The following SENP7 variants were observed in gnomAD, a reference collection of about 807,000 sequenced individuals.
The protein encoded by SENP7 is sentrin-specific protease 7.
A neutral mutation model predicts 141.2 loss-of-function variants in SENP7; 64 were observed. The observed-to-expected ratio is 0.45, with a 90% CI of 0.37 to 0.56. SENP7 has a LOEUF of 0.56. Among genes scored for constraint, SENP7 ranks in the 20% least tolerant of loss-of-function variants. SENP7 has a pLI of 0.00. For missense variants in SENP7, 1,025 were observed against 1,212.2 expected (o/e 0.85, Z 2.29); for synonymous variants, 382 against 426.4 (o/e 0.90, Z 1.28).
chr3:101,463,396 T>TATATATATATAC (rs1320861204), intron 3 of SENP7, among the ~76,000 whole-genome samples: 77 of 82,840 alleles, frequency 9.3e-4, no homozygotes, highest in African/African-American at 4.0e-3. Flanking sequence ...TATATATATA[T>TATATATATATAC]ACATATATAT....
intron 5 of SENP7, among the ~76,000 whole-genome samples, chr3:101,413,025 C>T (rs1410432946): frequency 6.6e-6 from 1 of 152,038 alleles, no homozygotes; most frequent in African/African-American, 2.4e-5. Context: ...AAACTGCCCT[C>T]ACATAAAAGG....
intron 1 of SENP7, among the ~76,000 whole-genome samples, chr3:101,509,507 A>T (rs900841877): frequency 2.0e-5 from 3 of 152,176 alleles, no homozygotes; most frequent in Non-Finnish European, 4.4e-5. Context: ...CTGCTTAGTA[A>T]TATCTCTTCC....
rs764843778 is a variant in SENP7 at position 101,343,978 on chromosome 3, T to A, written c.1838-24A>T. 19 of 1,385,702 alleles carry A rather than the reference T, an allele frequency of 1.4e-5. No homozygotes were observed. The East Asian group carries it at 4.7e-4, about 34-fold the overall frequency. 85.8% of individuals were successfully genotyped at this position (1,385,702 alleles called of 1,614,324 possible). ...TGCTACAAAAGGAAAAAATAATTTG[T>A]ATCAATAGTATTATTTTTCAAGAGG... On this transcript the variant is annotated intron_variant, in intron 13 of 23. Transcript: ENST00000394095.
intron 3 of SENP7, among the ~76,000 whole-genome samples, chr3:101,469,814 G>A (rs1360171692): frequency 3.4e-5 from 2 of 58,410 alleles, no homozygotes; most frequent in African/African-American, 5.8e-5. Context: ...CTGGGCGACA[G>A]AGCAAGACTC....
intron 3 of SENP7, among the ~76,000 whole-genome samples, chr3:101,488,510 G>T (rs1050631595): frequency 6.6e-6 from 1 of 152,140 alleles, no homozygotes; most frequent in Non-Finnish European, 1.5e-5. Context: ...TACATTTGAG[G>T]ATATGGTCCA....
At chr3:101,402,293 C>T (rs2061167335) in intron 5 of SENP7, among the ~76,000 whole-genome samples, 1 of 152,112 alleles carries the variant, frequency 6.6e-6, no homozygotes, top group African/African-American at 2.4e-5. Flanking sequence ...AGCCAGTGCT[C>T]AATTACCATG....
intron 11 of SENP7, among the ~76,000 whole-genome samples, chr3:101,356,124 C>T (rs1382845332): frequency 6.6e-6 from 1 of 151,904 alleles, no homozygotes; most frequent in Non-Finnish European, 1.5e-5. Flanking sequence ...ATACTTTTAA[C>T]TATAATTAAT....
At chr3:101,488,479 G>C (rs566712702) in intron 3 of SENP7, among the ~76,000 whole-genome samples, 6 of 152,178 alleles carry the variant, frequency 3.9e-5, no homozygotes, top group Non-Finnish European at 5.9e-5. Context: ...AAGAATGGGA[G>C]AGAATACGCA....
chr3:101,340,693 C>A (rs1559689294), intron 15 of SENP7, among the ~76,000 whole-genome samples: 1 of 151,854 alleles, frequency 6.6e-6, no homozygotes, highest in African/African-American at 2.4e-5. Context: ...AGCAGCTGGA[C>A]AAAAAAGAAA....
chr3:101,456,635 A>T (rs1161708612), intron 4 of SENP7, among the ~76,000 whole-genome samples: 2 of 152,196 alleles, frequency 1.3e-5, no homozygotes, highest in African/African-American at 4.8e-5. Flanking sequence ...ACTGAAAAAA[A>T]TATTAGAGAT....
At chr3:101,450,937 T>G (rs2063110708) in intron 4 of SENP7, among the ~76,000 whole-genome samples, 1 of 152,016 alleles carries the variant, frequency 6.6e-6, no homozygotes, top group Non-Finnish European at 1.5e-5. Context: ...GCTGGTTTTT[T>G]GAAAAGATCA....
At chr3:101,376,750 G>A (rs189538020) in intron 6 of SENP7, among the ~76,000 whole-genome samples, 5 of 152,000 alleles carry the variant, frequency 3.3e-5, no homozygotes, top group Admixed American at 6.6e-5. Flanking sequence ...AAACCTGCAC[G>A]TTGTGCACAT....
At chr3:101,409,543 G>A (rs2061396616) in intron 5 of SENP7, among the ~76,000 whole-genome samples, 1 of 151,910 alleles carries the variant, frequency 6.6e-6, no homozygotes, top group African/African-American at 2.4e-5. Flanking sequence ...CATACCATAA[G>A]GCCAAAGTCA....
At chr3:101,470,170 C>T (rs552940057) in intron 3 of SENP7, among the ~76,000 whole-genome samples, 79 of 152,158 alleles carry the variant, frequency 5.2e-4, no homozygotes, top group African/African-American at 1.8e-3. Context: ...AAAAGAACTA[C>T]AGAAGGAAGA....
intron 17 of SENP7, 47 bp downstream of exon 17, chr3:101,337,462 T>A: frequency 7.5e-7 from 1 of 1,341,980 alleles, no homozygotes; most frequent in Non-Finnish European, 1.0e-6. Context: ...GCATCAAAAA[T>A]AGTACATTTT....
intron 4 of SENP7, among the ~76,000 whole-genome samples, chr3:101,449,480 T>A (rs2107818120): frequency 6.6e-6 from 1 of 152,292 alleles, no homozygotes; most frequent in East Asian, 1.9e-4. Flanking sequence ...GAAGGTCGGG[T>A]TACCCACAAA....
chr3:101,471,704 C>A (rs1224321339), intron 3 of SENP7, among the ~76,000 whole-genome samples: 14 of 152,044 alleles, frequency 9.2e-5, no homozygotes, highest in Admixed American at 1.3e-4. Flanking sequence ...CTACCATCAG[C>A]GTGAACAGGC....
At chr3:101,432,077 C>A (rs1296531117) in intron 4 of SENP7, among the ~76,000 whole-genome samples, 8 of 151,998 alleles carry the variant, frequency 5.3e-5, no homozygotes, top group Non-Finnish European at 1.2e-4. Context: ...AAGGTTGAGT[C>A]CCAGGCCAGG....
At chr3:101,457,779 G>T (rs1052361662) in intron 4 of SENP7, 2 of 659,564 alleles carry the variant, frequency 3.0e-6, no homozygotes, top group African/African-American at 3.6e-5. Flanking sequence ...TTGGTGCTAA[G>T]AGGGTCCTGG....
Sources: allele counts gnomAD v4.1 joint callset (sites outside exome capture counted in the v4.1 genomes callset), GRCh38; gene constraint gnomAD v4.1.1; transcripts MANE v1.5; gene names NCBI Gene and HGNC (gene_info 2026-07-23, HGNC 2026-07-21).